Variants in ADAM12 observed in about 807,000 individuals in gnomAD.
ADAM12 encodes the protein ADAM metallopeptidase domain 12, also known as disintegrin and metalloproteinase domain-containing protein 12.
In ADAM12, 70 loss-of-function variants were observed where a neutral mutation model predicts 106.4. That is an observed-to-expected ratio of 0.66 (90% confidence interval 0.54 to 0.80). The LOEUF (loss-of-function observed/expected upper bound fraction) is 0.80, where lower values mean the gene tolerates loss of function less well. Ranked by LOEUF, ADAM12 falls within the 30% of genes least tolerant of loss-of-function variation. ADAM12 has a pLI of 0.00. For synonymous variants in ADAM12, 420 were observed against 433.5 expected (o/e 0.97, Z 0.39); for missense variants, 1,010 against 1,171.9 (o/e 0.86, Z 2.02).
chr10:126,109,885 G>A, intron 6 of ADAM12, 45 bp from the exon 7 acceptor site: 1 of 1,570,632 alleles, frequency 6.4e-7, no homozygotes, highest in Non-Finnish European at 8.7e-7. Context: ...ATGCCTCTCT[G>A]GCATTAAGAC....
At chr10:126,071,370 G>T (rs1041822801) in intron 12 of ADAM12, 107 bp downstream of exon 12, 2 of 1,374,596 alleles carry the variant, frequency 1.5e-6, no homozygotes, top group African/African-American at 1.4e-5. Context: ...CTTCCTTCCT[G>T]AGTTCTAGTA....
intron 2 of ADAM12, among the ~76,000 whole-genome samples, chr10:126,305,813 T>C (rs1012983497): frequency 3.3e-4 from 50 of 152,084 alleles, no homozygotes; most frequent in African/African-American, 1.1e-3. Flanking sequence ...TTTATTATTA[T>C]GAGATAGGAC....
chr10:126,333,240 C>G (rs184714418), intron 1 of ADAM12, among the ~76,000 whole-genome samples: 1 of 152,334 alleles, frequency 6.6e-6, no homozygotes, highest in Admixed American at 6.5e-5. Context: ...TGAATAACCA[C>G]AAATCAATCC....
chr10:126,015,286 A>G lies in ADAM12; in HGVS notation c.*1993T>C, dbSNP rs370264690. On this transcript the variant is annotated 3_prime_UTR_variant, in exon 23 of 23. Coordinates refer to ENST00000448723, the MANE Select transcript of ADAM12 (RefSeq NM_001288973.2). ...AGAAAAACTCAGTTCATATCCTCTTATAATTGGAGGAAGGGCTAACATGCC... is the reference window on the plus strand; with the variant it reads ...AGAAAAACTCAGTTCATATCCTCTTGTAATTGGAGGAAGGGCTAACATGCC... 16 of 152,216 alleles carry G rather than the reference A, an allele frequency of 1.1e-4. No individual in the cohort carries two copies. The highest frequency in any genetic ancestry group is 3.1e-4 in the African/African-American group (13 of 41,448). The allele number at this position is 152,216 out of a possible 1,614,324, so 9.4% of individuals were successfully genotyped here.
At chr10:126,329,370 G>A (rs1044165176) in intron 2 of ADAM12, among the ~76,000 whole-genome samples, 1 of 151,844 alleles carries the variant, frequency 6.6e-6, no homozygotes, top group African/African-American at 2.4e-5. Flanking sequence ...TCTTTATAAC[G>A]AAAGCCCACT....
rs1590422809 is a variant in ADAM12, at chr10:126,109,632, C to G, written c.669+143G>C. 3 of 613,438 alleles carry G rather than the reference C, an allele frequency of 4.9e-6. No individual in the cohort carries two copies. The East Asian group carries it at 8.3e-5, about 17-fold the overall frequency. The allele number at this position is 613,438 out of a possible 1,614,324, so 38.0% of individuals were successfully genotyped here. ...TTGTATGCTTTATAAAATCAGAAAA[C>G]CATTGTTTCAATGGGTTGTTTCCAT... On this transcript the variant is annotated intron_variant, in intron 7 of 22. Coordinates refer to ENST00000448723, the MANE Select transcript of ADAM12 (RefSeq NM_001288973.2).
At chr10:126,267,698 C>T (rs1348206657) in intron 3 of ADAM12, among the ~76,000 whole-genome samples, 1 of 152,104 alleles carries the variant, frequency 6.6e-6, no homozygotes, top group Non-Finnish European at 1.5e-5. Context: ...ATACTCATCC[C>T]CTGCTGTGTG....
chr10:126,118,173 A>C lies in ADAM12; in HGVS notation c.468T>G (p.Ser156Arg), dbSNP rs574573815. 4 of 1,614,202 alleles carry C rather than the reference A, an allele frequency of 2.5e-6. No individual in the cohort carries two copies. The Admixed American group carries it at 5.0e-5, about 20-fold the overall frequency. The change falls in exon 6 of 23, where the codon AGT becomes AGG. Residue 156 changes from serine (S) to arginine (R), a missense_variant. Coordinates refer to ENST00000448723, the MANE Select transcript of ADAM12 (RefSeq NM_001288973.2). Reference sequence around the variant, plus strand: ...GGAAGAGTTTGTATCTGTTGGTTGCACTTTTCATTGGTTCTAAGACATAGC... The same window carrying C: ...GGAAGAGTTTGTATCTGTTGGTTGCCCTTTTCATTGGTTCTAAGACATAGC... ...NESYVLEPMK[S>R]ATNRYKLFPA...
At position 126,015,750 on chromosome 10, in the gene ADAM12, A is replaced by G. The variant is rs1220215363; in HGVS notation, c.*1529T>C. On this transcript the variant is annotated 3_prime_UTR_variant, in exon 23 of 23. Transcript: ENST00000448723. ...TTGACCCCCAAAAGAAGGCTTTCTC[A>G]TAAAACACTCAGAGTGAATTATGTA... The G allele has an allele frequency of 1.3e-5, 2 of 152,250 alleles. No individual in the cohort carries two copies. The highest frequency in any genetic ancestry group is 1.9e-4 in the East Asian group (1 of 5,204). 9.4% of individuals were successfully genotyped at this position (152,250 alleles called of 1,614,324 possible).
intron 3 of ADAM12, among the ~76,000 whole-genome samples, chr10:126,173,294 T>C (rs974263698): frequency 6.6e-6 from 1 of 152,156 alleles, no homozygotes; most frequent in Non-Finnish European, 1.5e-5. Context: ...AGAGGAGCAA[T>C]GGCATGAAGT....
At chr10:126,273,735 G>A (rs1279285508) in intron 3 of ADAM12, among the ~76,000 whole-genome samples, 1 of 152,150 alleles carries the variant, frequency 6.6e-6, no homozygotes, top group African/African-American at 2.4e-5. Context: ...CGCTGAAACA[G>A]AACATAATAT....
At chr10:126,372,783 C>G (rs1382188776) in intron 1 of ADAM12, among the ~76,000 whole-genome samples, 2 of 152,196 alleles carry the variant, frequency 1.3e-5, no homozygotes, top group African/African-American at 4.8e-5. Flanking sequence ...CACTGAGCCT[C>G]TATAACCAAT....
At chr10:126,353,579 C>T (rs1855435320) in intron 1 of ADAM12, among the ~76,000 whole-genome samples, 1 of 152,162 alleles carries the variant, frequency 6.6e-6, no homozygotes, top group Non-Finnish European at 1.5e-5. Flanking sequence ...TCATTTTTTC[C>T]ATTTAGTTTG....
intron 3 of ADAM12, among the ~76,000 whole-genome samples, chr10:126,177,781 T>A (rs1388674882): frequency 2.6e-5 from 4 of 152,234 alleles, no homozygotes. Flanking sequence ...TTGCCCCTGC[T>A]TTCTTACATT....
intron 5 of ADAM12, among the ~76,000 whole-genome samples, chr10:126,124,632 C>T (rs1185347126): frequency 6.6e-6 from 1 of 151,938 alleles, no homozygotes; most frequent in Non-Finnish European, 1.5e-5. Context: ...GTGGCTCATG[C>T]CTGTAATCCT....
intron 21 of ADAM12, among the ~76,000 whole-genome samples, chr10:126,025,918 T>G (rs1267143965): frequency 1.3e-5 from 2 of 151,892 alleles, no homozygotes; most frequent in Non-Finnish European, 2.9e-5. Context: ...AAAAACCAGG[T>G]CCCCTACAAA....
intron 3 of ADAM12, among the ~76,000 whole-genome samples, chr10:126,196,566 C>CTACT (rs1304199364): frequency 2.0e-5 from 3 of 152,184 alleles, no homozygotes; most frequent in Non-Finnish European, 2.9e-5. Flanking sequence ...GCTCAATGAC[C>CTACT]TACTGGGCCC....
rs772868389 is a variant in ADAM12 at position 126,036,310 on chromosome 10, A to G, written c.2365T>C (p.Leu789=). The change falls in exon 21 of 23, where the codon TTG becomes CTG. Residue 789 remains leucine (L), a synonymous_variant. Transcript: ENST00000448723. ...SYPPKDNPRR[L]LQCQNVDISR... Reference sequence around the variant, plus strand: ...ATGTCAACATTCTGACACTGCAGCAATCTCCTGGGATTGTCCTGTACAGTC... The same window carrying G: ...ATGTCAACATTCTGACACTGCAGCAGTCTCCTGGGATTGTCCTGTACAGTC... 20 of 1,566,238 alleles carry G rather than the reference A, an allele frequency of 1.3e-5. No individual in the cohort carries two copies. Among genetic ancestry groups the G allele is most frequent in the South Asian group, 4.8e-5 (4 of 82,606 alleles).
chr10:126,201,245 G>A (rs1183966464), intron 3 of ADAM12, among the ~76,000 whole-genome samples: 2 of 152,140 alleles, frequency 1.3e-5, no homozygotes, highest in Admixed American at 1.3e-4. Context: ...TAGGTTCTTT[G>A]CAGACGTAAC....
Sources: gnomAD v4.1 joint callset for allele counts (sites outside exome capture counted in the v4.1 genomes callset) on GRCh38, gnomAD v4.1.1 for gene constraint, MANE v1.5 for transcripts, NCBI Gene and HGNC (gene_info 2026-07-23, HGNC 2026-07-21) for gene names.